WEE1: variants seen among roughly 807,000 people sequenced by gnomAD.
WEE1 encodes WEE1 G2 checkpoint kinase.
In WEE1, 16 loss-of-function variants were observed where a neutral mutation model predicts 68.8. The ratio of observed to expected loss-of-function variants is 0.23; its 90% CI spans 0.16 to 0.35. The LOEUF (loss-of-function observed/expected upper bound fraction) is 0.35, where lower values mean the gene tolerates loss of function less well. WEE1 is among the 10% of genes least tolerant of loss of function. The pLI, the probability that WEE1 is intolerant of heterozygous loss-of-function variation, is 1.00. For synonymous variants in WEE1, 349 were observed against 318.7 expected (o/e 1.09, Z -1.01); for missense variants, 651 against 824.1 (o/e 0.79, Z 2.57).
intron 4 of WEE1, 89 bp from the exon 5 acceptor site, chr11:9,577,053 A>G (rs1000435073): frequency 2.1e-5 from 31 of 1,449,970 alleles, no homozygotes; most frequent in Non-Finnish European, 2.8e-5. Flanking sequence ...GATACCAAAA[A>G]TTTATTGTAT....
intron 6 of WEE1, among the ~76,000 whole-genome samples, chr11:9,582,793 T>C (rs9630154): frequency 0.85 from 128,908 of 151,530 alleles, 55,085 homozygotes; most frequent in African/African-American, 0.89. Flanking sequence ...TCTTGAACTA[T>C]TGACCTTGTG....
rs1849561735 is a variant in WEE1 at position 9,576,054 on chromosome 11, C to T, written c.743C>T (p.Ser248Leu). The change falls in exon 2 of 11, where the codon TCA becomes TTA. Residue 248 changes from serine to leucine, a missense_variant. Around this residue, in one of 5 missense-constraint regions of WEE1, gnomAD observed 395 missense variants for 378.4 expected, o/e 1.04. Transcript: ENST00000450114. The surrounding 1 kb of genome is among the most constrained non-coding windows in gnomAD (Gnocchi z 4.3). ...FTPDSLLLHS[S>L]GQCRRRKRTY... ...CCGGATTCTTTGTTGCTTCATTCCT[C>T]AGGACAGTGTCGTCGTAGAAAGAGA... The T allele has an allele frequency of 9.3e-6, 15 of 1,614,144 alleles. No homozygotes were observed. Among genetic ancestry groups the T allele is most frequent in the Non-Finnish European group, 1.2e-5 (14 of 1,180,022 alleles).
chr11:9,577,533 A>C (rs887247602), intron 5 of WEE1: 19 of 397,898 alleles, frequency 4.8e-5, no homozygotes, highest in Non-Finnish European at 7.0e-5. Context: ...CGACACATAT[A>C]TTTTGGTGTC....
At position 9,587,329 on chromosome 11, in the gene WEE1, A is replaced by G. The variant is rs188273400; in HGVS notation, c.1787+473A>G. ...TCTGCCATGAATTAGTATTTGGCCT[A>G]TTAAATTTGTGTTGTTTCTAAACTT... On this transcript the variant is annotated intron_variant, in intron 10 of 10. Coordinates refer to ENST00000450114, the MANE Select transcript of WEE1 (RefSeq NM_003390.4). Among the ~76,000 whole-genome samples, 11 of 152,284 alleles carry G rather than the reference A, an allele frequency of 7.2e-5. No individual in the cohort carries two copies. In the East Asian group the frequency reaches 2.1e-3, roughly 29 times the overall value.
At chr11:9,578,051 G>A (rs1239553741) in intron 5 of WEE1, 4 of 349,188 alleles carry the variant, frequency 1.1e-5, no homozygotes, top group Non-Finnish European at 1.1e-5. Flanking sequence ...TTATAAGTGT[G>A]ATGATTGGGT....
chr11:9,577,935 A>G (rs1222120383), intron 5 of WEE1: 2 of 455,074 alleles, frequency 4.4e-6, no homozygotes, highest in Admixed American at 2.4e-5. Flanking sequence ...CTCCTTTTCT[A>G]TTAAAAACCT....
At chr11:9,581,901 T>G (rs1849632258) in intron 6 of WEE1, among the ~76,000 whole-genome samples, 1 of 152,272 alleles carries the variant, frequency 6.6e-6, no homozygotes, top group Non-Finnish European at 1.5e-5. Flanking sequence ...TCTCATTCTG[T>G]GGCCCAGGCC....
chr11:9,583,802 C>CACATAT (rs1295357946), intron 6 of WEE1, among the ~76,000 whole-genome samples: 7 of 17,808 alleles, frequency 3.9e-4, no homozygotes, highest in African/African-American at 9.9e-4. Context: ...CACACACACA[C>CACATAT]ATATATATAT....
At chr11:9,577,450 C>T (rs1849576436) in intron 5 of WEE1, 187 bp downstream of exon 5, 1 of 624,666 alleles carries the variant, frequency 1.6e-6, no homozygotes, top group Non-Finnish European at 2.7e-6. Context: ...TTGTACATAT[C>T]TCAGTAGTAG....
At position 9,576,202 on chromosome 11, in the gene WEE1, A is replaced by G. The variant is rs1460635102; in HGVS notation, c.783-28A>G. ...TGGCATGGATGTATCTGTCAGATAT[A>G]TTGATAGAAAAATAACATTTTTTTT... On this transcript the variant is annotated intron_variant, in intron 2 of 10. Coordinates refer to ENST00000450114, the MANE Select transcript of WEE1 (RefSeq NM_003390.4). The surrounding 1 kb of genome is among the most constrained non-coding windows in gnomAD (Gnocchi z 4.3). The G allele has an allele frequency of 1.9e-6, 3 of 1,559,624 alleles. No homozygotes were observed. Among genetic ancestry groups the G allele is most frequent in the Non-Finnish European group, 1.7e-6 (2 of 1,146,196 alleles).
chr11:9,584,392 T>A (rs1849678118), intron 6 of WEE1, among the ~76,000 whole-genome samples: 1 of 152,132 alleles, frequency 6.6e-6, no homozygotes, highest in Non-Finnish European at 1.5e-5. Context: ...GTAATCCTCC[T>A]ACCTCAGCCT....
chr11:9,583,367 C>T (rs984792368), intron 6 of WEE1, among the ~76,000 whole-genome samples: 4 of 151,836 alleles, frequency 2.6e-5, no homozygotes, highest in Non-Finnish European at 4.4e-5. Context: ...GTAATCCCAG[C>T]ACTTTGGGAG....
chr11:9,581,333 T>C (rs1177646742), intron 5 of WEE1, 199 bp from the exon 6 acceptor site: 8 of 515,450 alleles, frequency 1.6e-5, no homozygotes, highest in Non-Finnish European at 2.7e-5. Flanking sequence ...GACTTTACAT[T>C]TTATTTTGTA....
intron 6 of WEE1, among the ~76,000 whole-genome samples, chr11:9,583,759 GCGCACACACACACACACACA>G (rs1277523722): frequency 2.6e-4 from 11 of 41,606 alleles, no homozygotes; most frequent in Middle Eastern, 0.013. Flanking sequence ...GTGCACGCGC[GCGCACACACACACACACACA>G]CACACACACA....
rs773165281 is a variant in WEE1 at position 9,589,849 on chromosome 11, T to C, written c.*1247T>C. The C allele has an allele frequency of 1.2e-5, 6 of 481,524 alleles. No individual in the cohort carries two copies. Among genetic ancestry groups the C allele is most frequent in the Non-Finnish European group, 1.6e-5 (6 of 369,244 alleles). 29.8% of individuals were successfully genotyped at this position (481,524 alleles called of 1,614,324 possible). On this transcript the variant is annotated 3_prime_UTR_variant, in exon 11 of 11. Transcript: ENST00000450114. The stretch of plus-strand genomic sequence containing the variant: ...GTATAGTGTGTATAATGTACTATTA[T>C]AAAAGCAGAGGGCACATTTTGATTG...
chr11:9,584,053 C>G (rs1374682459), intron 6 of WEE1, among the ~76,000 whole-genome samples: 5 of 151,310 alleles, frequency 3.3e-5, no homozygotes, highest in Admixed American at 1.3e-4. Flanking sequence ...GTCATGCTGG[C>G]CATGCTGGTC....
chr11:9,579,791 A>G (rs1454718377), intron 5 of WEE1: 1 of 152,240 alleles, frequency 6.6e-6, no homozygotes, highest in Non-Finnish European at 1.5e-5. Flanking sequence ...TAAGGAGAAC[A>G]TACTTAAGAC....
chr11:9,574,487 T>C lies in WEE1; in HGVS notation c.554T>C (p.Phe185Ser). The change falls in exon 1 of 11, where the codon TTC becomes TCC. Residue 185 changes from phenylalanine to serine, a missense_variant. Physicochemically the swap from Phe to Ser is radical, Grantham distance 155. This residue lies in a region of WEE1 where 395 missense variants were observed against 378.4 expected (regional missense o/e 1.04). Coordinates refer to ENST00000450114, the MANE Select transcript of WEE1 (RefSeq NM_003390.4). The surrounding 1 kb of genome is among the most constrained non-coding windows in gnomAD (Gnocchi z 4.9). The stretch of plus-strand genomic sequence containing the variant: ...AAGACCTTCCGCAAGCTGCGACTCT[T>C]CGACACCCCGCACACGCCCAAGGTG... ...PHKTFRKLRL[F>S]DTPHTPKSLL... 1 of 1,255,650 alleles carries C rather than the reference T, an allele frequency of 8.0e-7. No individual in the cohort carries two copies. Among genetic ancestry groups the C allele is most frequent in the Non-Finnish European group, 1.0e-6 (1 of 1,001,110 alleles). The allele number at this position is 1,255,650 out of a possible 1,614,324, so 77.8% of individuals were successfully genotyped here.
intron 10 of WEE1, 138 bp downstream of exon 10, chr11:9,586,994 C>CA (rs1849707232): frequency 1.0e-6 from 1 of 971,778 alleles, no homozygotes; most frequent in Non-Finnish European, 1.5e-6. Context: ...GACAGGGTCT[C>CA]ACTGTCATCA....
Sources: allele counts gnomAD v4.1 joint callset (sites outside exome capture counted in the v4.1 genomes callset), GRCh38; gene constraint gnomAD v4.1.1; regional missense constraint gnomAD v4.1.1; non-coding constraint Gnocchi (gnomAD v3.1); transcripts MANE v1.5; gene names NCBI Gene and HGNC (gene_info 2026-07-23, HGNC 2026-07-21).